NAALADL2: variants seen among roughly 807,000 people sequenced by gnomAD.
NAALADL2 encodes N-acetylated alpha-linked acidic dipeptidase like 2.
NAALADL2 carries 76 observed loss-of-function variants against 87.2 expected under a neutral mutation model. The observed-to-expected ratio is 0.87, with a 90% CI of 0.72 to 1.05. NAALADL2 has a LOEUF of 1.05. Ranked by LOEUF, NAALADL2 falls within the 50% of genes least tolerant of loss-of-function variation. The pLI is 0.00. For synonymous variants in NAALADL2, 354 were observed against 331.0 expected (o/e 1.07, Z -0.75); for missense variants, 1,089 against 945.8 (o/e 1.15, Z -1.99).
At chr3:174,552,879 A>C (rs1038681275) in intron 2 of NAALADL2, among the ~76,000 whole-genome samples, 1 of 150,182 alleles carries the variant, frequency 6.7e-6, no homozygotes, top group African/African-American at 2.4e-5. Context: ...ACAGTGATTT[A>C]TAGTTTCCTG....
chr3:174,664,463 A>G (rs1725786414), intron 2 of NAALADL2, among the ~76,000 whole-genome samples: 1 of 152,190 alleles, frequency 6.6e-6, no homozygotes. Context: ...TCTCATACCA[A>G]TAAGCAATTA....
At chr3:175,615,929 A>C (rs1352778472) in intron 10 of NAALADL2, among the ~76,000 whole-genome samples, 1 of 147,276 alleles carries the variant, frequency 6.8e-6, no homozygotes, top group African/African-American at 2.5e-5. Context: ...ATTATTACAT[A>C]TGATTATGTA....
At chr3:175,600,833 G>A (rs953912482) in intron 10 of NAALADL2, among the ~76,000 whole-genome samples, 1 of 151,992 alleles carries the variant, frequency 6.6e-6, no homozygotes, top group Non-Finnish European at 1.5e-5. Context: ...CACCGCGCCC[G>A]GCCGTGTCTT....
At chr3:175,596,240 A>G (rs1722226955) in intron 10 of NAALADL2, among the ~76,000 whole-genome samples, 1 of 151,942 alleles carries the variant, frequency 6.6e-6, no homozygotes. Context: ...TGCAAAGTAG[A>G]AGTCTGCATA....
intron 9 of NAALADL2, among the ~76,000 whole-genome samples, chr3:175,569,623 C>T (rs1459088779): frequency 6.6e-6 from 1 of 152,020 alleles, no homozygotes; most frequent in Non-Finnish European, 1.5e-5. Context: ...TACAAGATCT[C>T]TCTCTCTCTC....
intron 13 of NAALADL2, among the ~76,000 whole-genome samples, chr3:175,761,475 C>A (rs1747999249): frequency 1.3e-5 from 2 of 152,132 alleles, no homozygotes; most frequent in South Asian, 4.1e-4. Context: ...TTGGTGCAGG[C>A]TTTTTTGTGG....
intron 9 of NAALADL2, among the ~76,000 whole-genome samples, chr3:175,492,055 A>G (rs1728174564): frequency 6.6e-6 from 1 of 152,348 alleles, no homozygotes; most frequent in East Asian, 1.9e-4. Flanking sequence ...TTACAAAAGT[A>G]CAAATATCAG....
At chr3:175,276,597 C>T (rs566679727) in intron 4 of NAALADL2, among the ~76,000 whole-genome samples, 1 of 152,278 alleles carries the variant, frequency 6.6e-6, no homozygotes, top group African/African-American at 2.4e-5. Flanking sequence ...GCCACCACAC[C>T]CAGCCTGCAA....
chr3:174,478,942 C>G (rs1228281945), intron 1 of NAALADL2, among the ~76,000 whole-genome samples: 1 of 152,204 alleles, frequency 6.6e-6, no homozygotes, highest in African/African-American at 2.4e-5. Flanking sequence ...CTCCTGACCT[C>G]AAGCAATCCA....
intron 2 of NAALADL2, among the ~76,000 whole-genome samples, 159 bp downstream of exon 2, chr3:175,097,450 C>T (rs572808668): frequency 6.6e-6 from 1 of 152,174 alleles, no homozygotes; most frequent in Admixed American, 6.5e-5. Flanking sequence ...GGGGAGCGCA[C>T]ATTTTCAGAT....
intron 2 of NAALADL2, among the ~76,000 whole-genome samples, 195 bp from the exon 3 acceptor site, chr3:175,233,736 C>T (rs144022602): frequency 1.1e-4 from 16 of 152,148 alleles, no homozygotes; most frequent in African/African-American, 2.9e-4. Context: ...CCACAAGGGC[C>T]GTCAGTTCTT....
At chr3:175,531,663 C>G (rs189502792) in intron 9 of NAALADL2, among the ~76,000 whole-genome samples, 6 of 152,180 alleles carry the variant, frequency 3.9e-5, no homozygotes. Context: ...TCTGGTGGGC[C>G]TTATGGACAG....
intron 1 of NAALADL2, among the ~76,000 whole-genome samples, chr3:174,976,933 T>A (rs1030231484): frequency 9.2e-5 from 14 of 152,184 alleles, no homozygotes; most frequent in African/African-American, 3.4e-4. Flanking sequence ...GGAGATTTCA[T>A]CTAGTTCCCA....
At chr3:174,478,740 C>T (rs530298282) in intron 1 of NAALADL2, among the ~76,000 whole-genome samples, 1 of 152,100 alleles carries the variant, frequency 6.6e-6, no homozygotes, top group South Asian at 2.1e-4. Context: ...GAGACAGAAC[C>T]TTGTTCTGTC....
intron 1 of NAALADL2, among the ~76,000 whole-genome samples, chr3:175,047,139 C>T (rs939736937): frequency 1.3e-5 from 2 of 152,086 alleles, no homozygotes; most frequent in African/African-American, 4.8e-5. Flanking sequence ...CCTAGGCCCC[C>T]GCCTTCTAAT....
chr3:174,452,192 G>A (rs1715536502), intron 1 of NAALADL2, among the ~76,000 whole-genome samples: 1 of 152,106 alleles, frequency 6.6e-6, no homozygotes, highest in African/African-American at 2.4e-5. Flanking sequence ...TGTTACTTTG[G>A]TGTCTGCATT....
intron 1 of NAALADL2, among the ~76,000 whole-genome samples, chr3:175,037,828 G>A (rs1412677382): frequency 1.3e-5 from 2 of 152,064 alleles, no homozygotes; most frequent in Non-Finnish European, 2.9e-5. Context: ...AGCAGGCCAC[G>A]GTATCCCCAT....
intron 1 of NAALADL2, among the ~76,000 whole-genome samples, chr3:175,003,077 G>C (rs181982889): frequency 6.6e-5 from 10 of 152,316 alleles, no homozygotes; most frequent in African/African-American, 2.2e-4. Context: ...TGTACTGGAT[G>C]ATATCTGCAA....
At chr3:175,126,780 C>G (rs1333531268) in intron 2 of NAALADL2, among the ~76,000 whole-genome samples, 1 of 150,688 alleles carries the variant, frequency 6.6e-6, no homozygotes, top group African/African-American at 2.4e-5. Flanking sequence ...ACAGAAATCT[C>G]AAAGATAGTC....
Sources: allele counts gnomAD v4.1 joint callset (sites outside exome capture counted in the v4.1 genomes callset), GRCh38; gene constraint gnomAD v4.1.1; transcripts MANE v1.5; gene names NCBI Gene and HGNC (gene_info 2026-07-23, HGNC 2026-07-21).